The following MCM9 variants were observed in gnomAD, a reference collection of about 807,000 sequenced individuals.
MCM9 encodes DNA helicase MCM9.
Under a neutral mutation model 72.8 loss-of-function variants are expected in MCM9, and 55 were observed. The observed-to-expected ratio is 0.76, with a 90% confidence interval of 0.61 to 0.95. The LOEUF is 0.95. MCM9 is among the 40% of genes least tolerant of loss of function. The pLI is 0.00. For synonymous variants in MCM9, 480 were observed against 503.4 expected, an observed-to-expected ratio of 0.95 and a Z score of 0.62; for missense variants, 1,279 against 1,377.0, an observed-to-expected ratio of 0.93 and a Z score of 1.13.
At chr6:118,838,428 G>C (rs759793908) in intron 9 of MCM9, among the ~76,000 whole-genome samples, 5 of 151,710 alleles carry the variant, frequency 3.3e-5, no homozygotes, top group Non-Finnish European at 7.4e-5. Context: ...TGAGTAGCTG[G>C]GACTACAGGC....
intron 10 of MCM9, among the ~76,000 whole-genome samples, chr6:118,828,688 G>A (rs1344806955): frequency 6.6e-6 from 1 of 152,160 alleles, no homozygotes; most frequent in Non-Finnish European, 1.5e-5. Context: ...CCCGGCCTGA[G>A]TAAATCTGAT....
Position 118,884,963 on chromosome 6 carries a change from G to A in MCM9, c.1150+26687C>T, listed in dbSNP as rs191736746. Among the ~76,000 whole-genome samples, 101 of 152,224 alleles carry A rather than the reference G, an allele frequency of 6.6e-4. No homozygotes were observed. In the East Asian group the frequency reaches 0.019, roughly 29 times the overall value. Reference sequence around the variant, plus strand: ...TGTAATCCCAGCACTTTAGGAGGTCGAGGTGGGTGGATTACAAGGTCAGGA... The same window carrying A: ...TGTAATCCCAGCACTTTAGGAGGTCAAGGTGGGTGGATTACAAGGTCAGGA... On this transcript the variant is annotated intron_variant, in intron 8 of 13. Coordinates refer to ENST00000619706, the MANE Select transcript of MCM9 (RefSeq NM_017696.3).
At position 118,827,886 on chromosome 6, in the gene MCM9, G is replaced by A. The variant is rs570836825; in HGVS notation, c.1732+41C>T. 110 of 1,530,844 alleles carry A rather than the reference G, an allele frequency of 7.2e-5. No homozygotes were observed. In the Middle Eastern group the frequency reaches 8.5e-4, roughly 12 times the overall value. The allele number at this position is 1,530,844 out of a possible 1,614,324, so 94.8% of individuals were successfully genotyped here. ...GCCAAGCCCCATGCCTTGCACACAC[G>A]CAGCATTCAATACAAGCATCATTCG... On this transcript the variant is annotated intron_variant, in intron 11 of 13. Transcript: ENST00000619706.
At chr6:118,851,598 A>C (rs1776229180) in intron 9 of MCM9, among the ~76,000 whole-genome samples, 1 of 151,898 alleles carries the variant, frequency 6.6e-6, no homozygotes, top group South Asian at 2.1e-4. Context: ...AATTCCTTTA[A>C]TGCATTAAAT....
chr6:118,888,496 GACAA>G (rs959692988), intron 8 of MCM9, among the ~76,000 whole-genome samples: 3 of 151,960 alleles, frequency 2.0e-5, no homozygotes, highest in African/African-American at 7.2e-5. Flanking sequence ...AAAACAAACA[GACAA>G]ACAAACAGAA....
At chr6:118,832,239 T>A (rs937106754) in intron 9 of MCM9, among the ~76,000 whole-genome samples, 1 of 152,022 alleles carries the variant, frequency 6.6e-6, no homozygotes, top group African/African-American at 2.4e-5. Flanking sequence ...TTTCAGAAAA[T>A]TTTTTGTGGA....
chr6:118,851,904 C>G (rs1235778014), intron 9 of MCM9, among the ~76,000 whole-genome samples: 1 of 152,176 alleles, frequency 6.6e-6, no homozygotes, highest in East Asian at 1.9e-4. Flanking sequence ...TCAAAATACT[C>G]AAAGTACTTC....
At chr6:118,825,919 A>G (rs1774139246) in intron 13 of MCM9, among the ~76,000 whole-genome samples, 1 of 152,130 alleles carries the variant, frequency 6.6e-6, no homozygotes, top group Non-Finnish European at 1.5e-5. Context: ...AGTGAACACT[A>G]AAATGCTGGT....
intron 8 of MCM9, among the ~76,000 whole-genome samples, chr6:118,861,952 T>A (rs970421155): frequency 1.3e-5 from 2 of 152,200 alleles, no homozygotes; most frequent in Non-Finnish European, 2.9e-5. Flanking sequence ...GAGGGAGGCC[T>A]GTAGGCCCAT....
intron 8 of MCM9, among the ~76,000 whole-genome samples, chr6:118,878,419 T>C (rs1269416958): frequency 6.6e-6 from 1 of 152,140 alleles, no homozygotes; most frequent in Non-Finnish European, 1.5e-5. Flanking sequence ...GATAACTATA[T>C]AGGTAAAAAA....
intron 9 of MCM9, among the ~76,000 whole-genome samples, chr6:118,847,787 T>A (rs565979635): frequency 6.6e-6 from 1 of 151,884 alleles, no homozygotes; most frequent in African/African-American, 2.4e-5. Flanking sequence ...AGTAAAAATA[T>A]TATACTTTAA....
chr6:118,917,831 G>A, intron 5 of MCM9, 70 bp from the exon 6 acceptor site: 1 of 1,353,690 alleles, frequency 7.4e-7, no homozygotes, highest in East Asian at 2.3e-5. Context: ...AAATGACAAA[G>A]GACCAGAAAT....
chr6:118,873,361 A>G (rs935336497), intron 8 of MCM9, among the ~76,000 whole-genome samples: 2 of 152,210 alleles, frequency 1.3e-5, no homozygotes, highest in Non-Finnish European at 2.9e-5. Flanking sequence ...GGTTTTTAGA[A>G]AAGATCAATA....
At chr6:118,905,351 A>G (rs1034136455) in intron 8 of MCM9, among the ~76,000 whole-genome samples, 3 of 90,804 alleles carry the variant, frequency 3.3e-5, no homozygotes, top group Admixed American at 2.5e-4. Flanking sequence ...AGGTTTTATA[A>G]TGAATAGTGT....
rs573630468 is a variant in MCM9 at position 118,905,568 on chromosome 6, T to G, written c.1150+6082A>C. ...TTCTTGTTGCATCCTCAACTGATGG[T>G]TCTAGGTAACTGAAACTCCAGTCTT... On this transcript the variant is annotated intron_variant, in intron 8 of 13. Coordinates refer to ENST00000619706, the MANE Select transcript of MCM9 (RefSeq NM_017696.3). 3.0e-3 allele frequency: 3,338 copies of G among 1,117,914 alleles called. 64 individuals carry two copies. In the African/African-American group the frequency reaches 0.048, roughly 16 times the overall value. The allele number at this position is 1,117,914 out of a possible 1,614,324, so 69.2% of individuals were successfully genotyped here. A position where few individuals can be genotyped will look rare whatever the true frequency, so the allele number is the denominator to read the frequency against.
rs756642249 is a variant in MCM9, at chr6:118,931,541, G to T, written c.183C>A (p.Phe61Leu). 20 of 1,613,968 alleles carry T rather than the reference G, an allele frequency of 1.2e-5. No homozygotes were observed. Among genetic ancestry groups the T allele is most frequent in the Non-Finnish European group, 1.6e-5 (19 of 1,180,034 alleles). Reference sequence around the variant, plus strand: ...CAAAAATTGTAAGCACTTCACTGGGGAACATGTTGAAATATTCCCCGATTT... The same window carrying T: ...CAAAAATTGTAAGCACTTCACTGGGTAACATGTTGAAATATTCCCCGATTT... ...NMEIGEYFNM[F>L]PSEVLTIFDS... The change falls in exon 3 of 14, where the codon TTC becomes TTA. Residue 61 changes from phenylalanine to leucine, a missense_variant. Coordinates refer to ENST00000619706, the MANE Select transcript of MCM9 (RefSeq NM_017696.3).
chr6:118,893,931 A>G lies in MCM9; in HGVS notation c.1150+17719T>C, dbSNP rs568505676. On this transcript the variant is annotated intron_variant, in intron 8 of 13. Transcript: ENST00000619706. Reference sequence around the variant, plus strand: ...CGGCCGGATCGCGCCCTCCCGCCGCAGCCACGCCTCCCCGCCGCGGCCACG... The same window carrying G: ...CGGCCGGATCGCGCCCTCCCGCCGCGGCCACGCCTCCCCGCCGCGGCCACG... 43 of 815,990 alleles carry G rather than the reference A, an allele frequency of 5.3e-5. No homozygotes were observed. The Admixed American group carries it at 8.2e-4, about 16-fold the overall frequency. The allele number at this position is 815,990 out of a possible 1,614,324, so 50.5% of individuals were successfully genotyped here.
At chr6:118,873,430 A>C (rs1433834785) in intron 8 of MCM9, among the ~76,000 whole-genome samples, 1 of 152,112 alleles carries the variant, frequency 6.6e-6, no homozygotes, top group Non-Finnish European at 1.5e-5. Flanking sequence ...CATAAATTAC[A>C]AATATTAGAA....
In MCM9 at chr6:118,826,132, GT is replaced by G. The variant is rs1562400135; in HGVS notation, c.1961+14del. Reference sequence around the variant, plus strand: ...GATTTTCCATTGTATGCCTTTCTGGGTTTTCATTCCTCACCTTTCAAGTCTT... The same window carrying G: ...GATTTTCCATTGTATGCCTTTCTGGGTTTCATTCCTCACCTTTCAAGTCTT... On this transcript the variant is annotated intron_variant, in intron 13 of 13. Coordinates refer to ENST00000619706, the MANE Select transcript of MCM9 (RefSeq NM_017696.3). The G allele has an allele frequency of 6.5e-7, 1 of 1,542,030 alleles. No homozygotes were observed. The highest frequency in any genetic ancestry group is 8.7e-7 in the Non-Finnish European group (1 of 1,144,150).
Sources: allele counts gnomAD v4.1 joint callset (sites outside exome capture counted in the v4.1 genomes callset), GRCh38; gene constraint gnomAD v4.1.1; transcripts MANE v1.5; gene names NCBI Gene and HGNC (gene_info 2026-07-23, HGNC 2026-07-21).